Variants in TSPEAR observed in about 807,000 individuals in gnomAD.
TSPEAR encodes the protein thrombospondin-type laminin G domain and EAR repeat-containing protein.
Under a neutral mutation model 71.6 loss-of-function variants are expected in TSPEAR, and 69 were observed. That is an observed-to-expected ratio of 0.96 (90% CI 0.79 to 1.18). TSPEAR has a LOEUF of 1.18. TSPEAR is among the 50% of genes most tolerant of loss of function. The pLI, the probability that TSPEAR is intolerant of heterozygous loss-of-function variation, is 0.00. For missense variants in TSPEAR, 971 were observed against 894.9 expected (o/e 1.09, Z -1.09); for synonymous variants, 402 against 387.2 (o/e 1.04, Z -0.45).
At chr21:44,646,442 C>T (rs1555939708) in intron 1 of TSPEAR, 9 of 1,593,038 alleles carry the variant, frequency 5.6e-6, no homozygotes, top group Non-Finnish European at 6.8e-6. Context: ...CCCAGCTCAC[C>T]TCCTCCCCAC....
chr21:44,559,737 C>T (rs587743011), intron 2 of TSPEAR, among the ~76,000 whole-genome samples: 65 of 152,290 alleles, frequency 4.3e-4, no homozygotes, highest in African/African-American at 9.1e-4. Context: ...CATACCTGTG[C>T]GCTAGTAAGC....
intron 1 of TSPEAR, among the ~76,000 whole-genome samples, chr21:44,667,923 A>G (rs963470806): frequency 8.5e-5 from 13 of 152,236 alleles, no homozygotes; most frequent in Non-Finnish European, 1.6e-4. Flanking sequence ...CCTCAACACA[A>G]TACAAGCCAT....
intron 5 of TSPEAR, among the ~76,000 whole-genome samples, chr21:44,529,451 G>A (rs999752780): frequency 2.0e-5 from 3 of 152,154 alleles, no homozygotes; most frequent in Non-Finnish European, 2.9e-5. Flanking sequence ...CGCTGTCCTT[G>A]GGGGGCAAAA....
At chr21:44,670,432 A>G (rs926194) in intron 1 of TSPEAR, among the ~76,000 whole-genome samples, 79,935 of 146,194 alleles carry the variant, frequency 0.55, 21,687 homozygotes, top group African/African-American at 0.67. Context: ...GCAAAGAAGC[A>G]ACTGGAATTC....
In TSPEAR at chr21:44,567,785, C is replaced by T. The variant is rs2053721911; in HGVS notation, c.303G>A (p.Lys101=). 1 of 1,563,244 alleles carries T rather than the reference C, an allele frequency of 6.4e-7. No homozygotes were observed. The highest frequency in any genetic ancestry group is 2.3e-5 in the East Asian group (1 of 44,134). The stretch of plus-strand genomic sequence containing the variant: ...ACGAAGTGCAGAAAGTGCCACTGAC[C>T]TTGGGTGGAAGATTGGGAACTCTCA... The part of the protein sequence containing the change: ...VTLRVPNLPP[K]RNEYLLTVVA... The change falls in exon 2 of 12, where the codon AAG becomes AAA. Residue 101 remains lysine (K), a splice_region_variant and synonymous_variant. Coordinates refer to ENST00000323084, the MANE Select transcript of TSPEAR (RefSeq NM_144991.3).
intron 1 of TSPEAR, among the ~76,000 whole-genome samples, chr21:44,631,120 C>T (rs924040040): frequency 2.0e-5 from 3 of 150,086 alleles, no homozygotes; most frequent in Admixed American, 1.3e-4. Context: ...CTTGAAGAAG[C>T]CCAGGATTGA....
At chr21:44,604,338 A>G (rs868932144) in intron 1 of TSPEAR, among the ~76,000 whole-genome samples, 4 of 152,202 alleles carry the variant, frequency 2.6e-5, no homozygotes, top group Non-Finnish European at 2.9e-5. Context: ...TATAAAGAAA[A>G]CATAAAAAGA....
chr21:44,597,520 C>A (rs1308167664), intron 1 of TSPEAR, among the ~76,000 whole-genome samples: 1 of 151,506 alleles, frequency 6.6e-6, no homozygotes, highest in Non-Finnish European at 1.5e-5. Context: ...GCAACTTCCA[C>A]CTCCTGGGTT....
At chr21:44,620,103 A>C (rs1555933239) in intron 1 of TSPEAR, among the ~76,000 whole-genome samples, 2 of 152,264 alleles carry the variant, frequency 1.3e-5, no homozygotes, top group Non-Finnish European at 2.9e-5. Flanking sequence ...GAAGACTAAC[A>C]GCGGATTTCT....
intron 9 of TSPEAR, among the ~76,000 whole-genome samples, chr21:44,512,507 C>T (rs1273791741): frequency 6.6e-6 from 1 of 152,132 alleles, no homozygotes; most frequent in Admixed American, 6.5e-5. Flanking sequence ...GGGTGGCACA[C>T]GGGCTGCTGT....
chr21:44,579,488 G>T, intron 1 of TSPEAR: 1 of 567,492 alleles, frequency 1.8e-6, no homozygotes, highest in Admixed American at 3.1e-5. Flanking sequence ...TGGGGAGCAG[G>T]AGGAGGTGCT....
intron 1 of TSPEAR, among the ~76,000 whole-genome samples, chr21:44,621,904 C>A (rs1982461607): frequency 6.6e-6 from 1 of 152,134 alleles, no homozygotes; most frequent in South Asian, 2.1e-4. Context: ...CTCTCATCAT[C>A]CCATACATTT....
rs180759098 is a variant in TSPEAR, at chr21:44,627,845, G to A, written c.83-59840C>T. ...CCGGCTTGCTGCACCACCTCCTGCT[G>A]CAGACCCTCCTCCTCTGTGTCCCTC... On this transcript the variant is annotated intron_variant, in intron 1 of 11. Coordinates refer to ENST00000323084, the MANE Select transcript of TSPEAR (RefSeq NM_144991.3). 271 of 1,613,772 alleles carry A rather than the reference G, an allele frequency of 1.7e-4. 1 individual carries two copies. The African/African-American group carries it at 3.3e-3, about 20-fold the overall frequency.
chr21:44,626,195 A>T (rs1982766058), intron 1 of TSPEAR, among the ~76,000 whole-genome samples: 1 of 152,244 alleles, frequency 6.6e-6, no homozygotes, highest in East Asian at 1.9e-4. Flanking sequence ...ATCACAATCA[A>T]TATTATAATT....
intron 1 of TSPEAR, among the ~76,000 whole-genome samples, chr21:44,614,445 A>G (rs970174086): frequency 2.0e-5 from 3 of 152,236 alleles, no homozygotes; most frequent in African/African-American, 7.2e-5. Flanking sequence ...CAGGGAGTCC[A>G]AGAAACCTCT....
chr21:44,640,387 G>A lies in TSPEAR; in HGVS notation c.82+71046C>T, dbSNP rs139059001. 1.1e-4 allele frequency among the ~76,000 whole-genome samples: 17 copies of A among 152,364 alleles called. No individual in the cohort carries two copies. The East Asian group carries it at 3.1e-3, about 28-fold the overall frequency. ...AGATGAGTGTGTGACCAAGGCTGGT[G>A]GAGGGGCTCATGAGGAGTGACTGCT... On this transcript the variant is annotated intron_variant, in intron 1 of 11. Transcript: ENST00000323084.
chr21:44,654,307 G>A (rs782591006), intron 1 of TSPEAR: 4 of 1,613,882 alleles, frequency 2.5e-6, no homozygotes, highest in Admixed American at 3.3e-5. Context: ...CCAGGTGACA[G>A]GTCTATAGAC....
intron 1 of TSPEAR, among the ~76,000 whole-genome samples, chr21:44,698,402 C>T (rs1321307337): frequency 1.3e-5 from 2 of 152,220 alleles, no homozygotes; most frequent in African/African-American, 2.4e-5. Context: ...CAGGCCCCAA[C>T]ACACATTAGT....
intron 1 of TSPEAR, among the ~76,000 whole-genome samples, chr21:44,706,268 G>A (rs1306567290): frequency 6.6e-6 from 1 of 152,314 alleles, no homozygotes; most frequent in East Asian, 1.9e-4. Context: ...GGGTGGCTGC[G>A]TCCCGGGTTC....
Sources: gnomAD v4.1 joint callset for allele counts (sites outside exome capture counted in the v4.1 genomes callset) on GRCh38, gnomAD v4.1.1 for gene constraint, MANE v1.5 for transcripts, NCBI Gene and HGNC (gene_info 2026-07-23, HGNC 2026-07-21) for gene names.